The following ERBB4 variants were observed in gnomAD, a reference collection of about 807,000 sequenced individuals.
ERBB4 encodes receptor tyrosine-protein kinase erbB-4.
Under a neutral mutation model 158.0 loss-of-function variants are expected in ERBB4, and 42 were observed. That is an observed-to-expected ratio of 0.27 (90% CI 0.21 to 0.34). ERBB4 has a LOEUF of 0.34. Among genes scored for constraint, ERBB4 ranks in the 10% least tolerant of loss-of-function variants. The pLI is 1.00. For synonymous variants in ERBB4, 583 were observed against 558.7 expected (o/e 1.04, Z -0.61); for missense variants, 1,333 against 1,624.1 (o/e 0.82, Z 3.08).
intron 1 of ERBB4, among the ~76,000 whole-genome samples, chr2:212,446,597 A>ATATATATATATATATG (rs2092357529): frequency 5.8e-5 from 1 of 17,200 alleles, no homozygotes; most frequent in Non-Finnish European, 9.9e-5. Context: ...ATATGTATAT[A>ATATATATATATATATG]TATATATATA....
intron 20 of ERBB4, among the ~76,000 whole-genome samples, chr2:211,451,049 T>G (rs181512103): frequency 6.6e-6 from 1 of 152,224 alleles, no homozygotes; most frequent in East Asian, 1.9e-4. Flanking sequence ...CTGGGTGAAA[T>G]CTTTCACAGA....
intron 25 of ERBB4, among the ~76,000 whole-genome samples, chr2:211,393,461 T>G (rs954677314): frequency 6.6e-6 from 1 of 152,174 alleles, no homozygotes; most frequent in Non-Finnish European, 1.5e-5. Context: ...ATACCACACA[T>G]AGATTTTGAC....
chr2:211,664,453 C>T (rs894961567), intron 15 of ERBB4, among the ~76,000 whole-genome samples: 1 of 151,898 alleles, frequency 6.6e-6, no homozygotes, highest in African/African-American at 2.4e-5. Flanking sequence ...AGGAGGATGG[C>T]AAATGTAACA....
intron 1 of ERBB4, among the ~76,000 whole-genome samples, chr2:212,198,284 T>C (rs1336433726): frequency 2.0e-5 from 3 of 152,166 alleles, no homozygotes; most frequent in Non-Finnish European, 4.4e-5. Flanking sequence ...ATTCAAGTTA[T>C]TGCACAATGA....
chr2:212,429,914 C>T (rs186025480), intron 1 of ERBB4, among the ~76,000 whole-genome samples: 5 of 152,218 alleles, frequency 3.3e-5, no homozygotes, highest in African/African-American at 1.2e-4. Context: ...TAATTAATAT[C>T]TGTTATAGTT....
At chr2:211,488,409 T>C (rs1429208307) in intron 20 of ERBB4, among the ~76,000 whole-genome samples, 3 of 152,122 alleles carry the variant, frequency 2.0e-5, no homozygotes. Context: ...GATGGAGATA[T>C]TGTCCTGCTC....
chr2:211,608,557 C>G (rs193163095), intron 19 of ERBB4, among the ~76,000 whole-genome samples: 3 of 152,126 alleles, frequency 2.0e-5, no homozygotes, highest in Non-Finnish European at 4.4e-5. Flanking sequence ...AATATAGATA[C>G]AAAGAATCAT....
At chr2:212,270,963 T>C (rs548209364) in intron 1 of ERBB4, among the ~76,000 whole-genome samples, 58 of 151,886 alleles carry the variant, frequency 3.8e-4, no homozygotes, top group African/African-American at 1.3e-3. Flanking sequence ...CCAATATCTG[T>C]CCCAGAGAAT....
intron 2 of ERBB4, among the ~76,000 whole-genome samples, chr2:212,073,108 A>C (rs1391473379): frequency 2.0e-5 from 3 of 151,762 alleles, no homozygotes; most frequent in Non-Finnish European, 4.4e-5. Context: ...TGGAGGTGGA[A>C]GGAAGGAAGG....
intron 1 of ERBB4, among the ~76,000 whole-genome samples, chr2:212,378,320 C>A (rs2090394333): frequency 2.0e-5 from 3 of 151,760 alleles, no homozygotes; most frequent in South Asian, 4.2e-4. Context: ...TCAATAGAAC[C>A]AATGTTCTTT....
At chr2:212,216,813 C>A (rs1021822073) in intron 1 of ERBB4, among the ~76,000 whole-genome samples, 2 of 151,308 alleles carry the variant, frequency 1.3e-5, no homozygotes, top group Non-Finnish European at 1.5e-5. Flanking sequence ...TTATAAAATT[C>A]TCAGCTCTCA....
At chr2:212,455,624 A>G (rs1688253587) in intron 1 of ERBB4, among the ~76,000 whole-genome samples, 1 of 152,198 alleles carries the variant, frequency 6.6e-6, no homozygotes, top group Non-Finnish European at 1.5e-5. Flanking sequence ...GATGGAAGAG[A>G]GAGAGATTTT....
chr2:212,160,991 ATAAAAT>A (rs1362192722), intron 1 of ERBB4, among the ~76,000 whole-genome samples: 1 of 152,008 alleles, frequency 6.6e-6, no homozygotes, highest in African/African-American at 2.4e-5. Flanking sequence ...GTAGAGTGAA[ATAAAAT>A]TAGAAAGAAA....
chr2:211,607,663 G>A (rs967874727), intron 19 of ERBB4, among the ~76,000 whole-genome samples: 2 of 151,870 alleles, frequency 1.3e-5, no homozygotes, highest in African/African-American at 4.8e-5. Context: ...TAAACTGTAA[G>A]CAACAGGCAC....
intron 2 of ERBB4, among the ~76,000 whole-genome samples, chr2:211,961,387 A>G (rs2081176147): frequency 6.6e-6 from 1 of 152,156 alleles, no homozygotes; most frequent in South Asian, 2.1e-4. Flanking sequence ...CAACTGTGAC[A>G]CAAATCTCTT....
At chr2:212,287,356 AAGAC>A (rs1473765852) in intron 1 of ERBB4, among the ~76,000 whole-genome samples, 1 of 152,182 alleles carries the variant, frequency 6.6e-6, no homozygotes, top group African/African-American at 2.4e-5. Context: ...TATAGGTGAG[AAGAC>A]AGACAGAAAC....
intron 2 of ERBB4, among the ~76,000 whole-genome samples, chr2:212,109,080 T>C (rs1246420211): frequency 6.6e-6 from 1 of 152,142 alleles, no homozygotes; most frequent in Non-Finnish European, 1.5e-5. Context: ...TCATGGATCA[T>C]TGTGGGAATG....
chr2:211,969,699 T>TA (rs910335722), intron 2 of ERBB4, among the ~76,000 whole-genome samples: 2 of 151,956 alleles, frequency 1.3e-5, no homozygotes, highest in Non-Finnish European at 2.9e-5. Context: ...ATTTGCATTT[T>TA]AAAAAACCAT....
intron 1 of ERBB4, among the ~76,000 whole-genome samples, chr2:212,381,166 G>GA (rs1198464750): frequency 6.6e-6 from 1 of 151,024 alleles, no homozygotes; most frequent in Non-Finnish European, 1.5e-5. Flanking sequence ...TATTTCACAG[G>GA]AAAAATGATT....
Sources: gnomAD v4.1 joint callset for allele counts (sites outside exome capture counted in the v4.1 genomes callset) on GRCh38, gnomAD v4.1.1 for gene constraint, MANE v1.5 for transcripts, NCBI Gene and HGNC (gene_info 2026-07-23, HGNC 2026-07-21) for gene names.